The following GMDS variants were observed in gnomAD, a reference collection of about 807,000 sequenced individuals.
The protein encoded by GMDS is GDP-mannose 4,6-dehydratase.
A neutral mutation model predicts 49.9 loss-of-function variants in GMDS; 20 were observed. The observed-to-expected ratio is 0.40, with a 90% confidence interval of 0.28 to 0.58. GMDS has a LOEUF of 0.58. GMDS is among the 20% of genes least tolerant of loss of function. GMDS has a pLI of 0.42. For synonymous variants in GMDS, 177 were observed against 178.6 expected (o/e 0.99, Z 0.07); for missense variants, 362 against 481.4 (o/e 0.75, Z 2.32).
rs191992219 is a variant in GMDS, at chr6:1,777,237, C to T, written c.772-34651G>A. ...GACATGGAGGGGAGACGCGCTGCTGCGCCTACATAGCACAGCTCCTAGGCA... is the reference window on the plus strand; with the variant it reads ...GACATGGAGGGGAGACGCGCTGCTGTGCCTACATAGCACAGCTCCTAGGCA... On this transcript the variant is annotated intron_variant, in intron 7 of 10. Transcript: ENST00000380815. Among the ~76,000 whole-genome samples the T allele has an allele frequency of 1.6e-4, 25 of 152,358 alleles. No homozygotes were observed. The South Asian group carries it at 2.5e-3, about 15-fold the overall frequency.
intron 9 of GMDS, among the ~76,000 whole-genome samples, chr6:1,694,479 G>A (rs1765272702): frequency 6.6e-6 from 1 of 152,174 alleles, no homozygotes; most frequent in South Asian, 2.1e-4. Flanking sequence ...CATGTCTAAG[G>A]TCACACTGCA....
chr6:1,708,794 G>A (rs532238568), intron 9 of GMDS, among the ~76,000 whole-genome samples: 228 of 152,324 alleles, frequency 1.5e-3, no homozygotes, highest in African/African-American at 5.2e-3. Context: ...CCGGGGTCAC[G>A]TCTCTGTACG....
At chr6:2,159,506 CTTTTTTTCT>C (rs1777278133) in intron 1 of GMDS, among the ~76,000 whole-genome samples, 1 of 134,946 alleles carries the variant, frequency 7.4e-6, no homozygotes. Flanking sequence ...TTCAATATTT[CTTTTTTTCT>C]TTTTTTTTTT....
At chr6:1,928,122 T>C (rs982516592) in intron 7 of GMDS, among the ~76,000 whole-genome samples, 2 of 152,206 alleles carry the variant, frequency 1.3e-5, no homozygotes, top group Non-Finnish European at 2.9e-5. Flanking sequence ...ATCCCGGCAC[T>C]TTGGGAGGCC....
At chr6:2,093,779 CA>C (rs760702286) in intron 4 of GMDS, among the ~76,000 whole-genome samples, 261 of 136,134 alleles carry the variant, frequency 1.9e-3, no homozygotes, top group Non-Finnish European at 2.7e-3. Context: ...AGAAAAGCAG[CA>C]AAAAAAAAAA....
chr6:1,879,977 G>C (rs1759285730), intron 7 of GMDS, among the ~76,000 whole-genome samples: 1 of 152,154 alleles, frequency 6.6e-6, no homozygotes, highest in Non-Finnish European at 1.5e-5. Flanking sequence ...GATGATAGGA[G>C]AGACAATAAA....
chr6:2,133,452 T>C (rs1212222550), intron 1 of GMDS, among the ~76,000 whole-genome samples: 1 of 152,242 alleles, frequency 6.6e-6, no homozygotes, highest in East Asian at 1.9e-4. Flanking sequence ...ACTGAAATAC[T>C]GCTGTTGGTT....
chr6:1,722,123 G>C (rs1766406111), intron 9 of GMDS, among the ~76,000 whole-genome samples: 1 of 136,858 alleles, frequency 7.3e-6, no homozygotes, highest in African/African-American at 2.8e-5. Context: ...CTGGAGTGCA[G>C]TGGTGTGATC....
At chr6:1,800,898 T>C (rs1346213743) in intron 7 of GMDS, among the ~76,000 whole-genome samples, 1 of 152,174 alleles carries the variant, frequency 6.6e-6, no homozygotes, top group Non-Finnish European at 1.5e-5. Flanking sequence ...CACCAAAAGA[T>C]GTCAAGGTGC....
At position 2,090,454 on chromosome 6, in the gene GMDS, T is replaced by C. The variant is rs78451783; in HGVS notation, c.345+25317A>G. Among the ~76,000 whole-genome samples the C allele has an allele frequency of 5.6e-3, 855 of 152,326 alleles. 6 individuals are homozygous for C. Among genetic ancestry groups the C allele is most frequent in the African/African-American group, 0.019 (800 of 41,578 alleles). On this transcript the variant is annotated intron_variant, in intron 4 of 10. Coordinates refer to ENST00000380815, the MANE Select transcript of GMDS (RefSeq NM_001500.4). ...TATTAGGCCATCAACCAACAGTACA[T>C]AGAAAATACTCACAATGATGTATAT... is the stretch of plus-strand genomic sequence containing the variant.
intron 9 of GMDS, among the ~76,000 whole-genome samples, chr6:1,698,535 A>G (rs1765423469): frequency 6.6e-6 from 1 of 152,196 alleles, no homozygotes; most frequent in Admixed American, 6.5e-5. Context: ...TTAGAAAAAT[A>G]CACAGAATCA....
intron 9 of GMDS, among the ~76,000 whole-genome samples, chr6:1,663,629 C>T (rs1489745474): frequency 1.3e-5 from 2 of 152,130 alleles, no homozygotes; most frequent in African/African-American, 2.4e-5. Flanking sequence ...TGGCTACTGC[C>T]CTCACCATTT....
chr6:2,220,218 G>A (rs919020338), intron 1 of GMDS, among the ~76,000 whole-genome samples: 3 of 152,076 alleles, frequency 2.0e-5, no homozygotes, highest in African/African-American at 7.2e-5. Flanking sequence ...TCAATTTCCC[G>A]GTCCTTCAAT....
At chr6:1,798,226 C>G (rs1769812119) in intron 7 of GMDS, among the ~76,000 whole-genome samples, 1 of 139,732 alleles carries the variant, frequency 7.2e-6, no homozygotes, top group Admixed American at 7.5e-5. Flanking sequence ...AAATTTACTT[C>G]TAATTACAGA....
intron 7 of GMDS, among the ~76,000 whole-genome samples, chr6:1,899,785 C>T (rs1423686451): frequency 2.0e-5 from 3 of 152,108 alleles, no homozygotes; most frequent in Non-Finnish European, 2.9e-5. Flanking sequence ...CACTCTAAGG[C>T]CCCGTGGAGA....
At chr6:1,905,970 T>A (rs1264142522) in intron 7 of GMDS, among the ~76,000 whole-genome samples, 1 of 152,044 alleles carries the variant, frequency 6.6e-6, no homozygotes, top group Non-Finnish European at 1.5e-5. Flanking sequence ...CCATCTGACA[T>A]GCTCAAATGG....
Position 1,722,260 on chromosome 6 carries a change from A to T in GMDS, c.987+4156T>A, listed in dbSNP as rs199578355. Among the ~76,000 whole-genome samples, 429 of 140,834 alleles carry T rather than the reference A, an allele frequency of 3.0e-3. 9 individuals carry two copies. Among genetic ancestry groups the T allele is most frequent in the African/African-American group, 9.3e-3 (357 of 38,518 alleles). 92.4% of individuals were successfully genotyped at this position (140,834 alleles called of 152,430 possible). ...TATTATTATTAGTAGTAGTAGTAGT[A>T]GTATTTTTAGTAGAGATGGGGTTTC... On this transcript the variant is annotated intron_variant, in intron 9 of 10. Transcript: ENST00000380815.
intron 7 of GMDS, among the ~76,000 whole-genome samples, chr6:1,749,727 G>GT (rs1292896335): frequency 3.3e-5 from 5 of 152,174 alleles, no homozygotes; most frequent in African/African-American, 1.2e-4. Flanking sequence ...TATTTTATGG[G>GT]TTTTTTAGGA....
At chr6:2,135,453 GCAAT>G (rs1233979655) in intron 1 of GMDS, among the ~76,000 whole-genome samples, 3 of 152,284 alleles carry the variant, frequency 2.0e-5, no homozygotes, top group Middle Eastern at 3.4e-3. Context: ...AGATCATGGA[GCAAT>G]CAATCAGCTA....
Sources: allele counts gnomAD v4.1 joint callset (sites outside exome capture counted in the v4.1 genomes callset), GRCh38; gene constraint gnomAD v4.1.1; transcripts MANE v1.5; gene names NCBI Gene and HGNC (gene_info 2026-07-23, HGNC 2026-07-21).